BMAL1: variants seen among roughly 807,000 people sequenced by gnomAD.
BMAL1 encodes the protein basic helix-loop-helix ARNT-like protein 1.
At chr11:13,305,614 G>A in the BMAL1 span, among the ~76,000 whole-genome samples, 1 of 152,084 alleles carries the variant, frequency 6.6e-6, no homozygotes, top group African/African-American at 2.4e-5. Context: ...GCCTGATTGT[G>A]TGGCCAGGAC....
chr11:13,309,776 C>T, the BMAL1 span, among the ~76,000 whole-genome samples: 1,708 of 152,120 alleles, frequency 0.011, 12 homozygotes, highest in Non-Finnish European at 0.016. Flanking sequence ...ATAGGCATGC[C>T]GCCACAGTTC....
At chr11:13,384,270 ATGT>A in the BMAL1 span, among the ~76,000 whole-genome samples, 307 of 152,332 alleles carry the variant, frequency 2.0e-3, 1 homozygote, top group African/African-American at 6.8e-3. Flanking sequence ...AACTTAAAAA[ATGT>A]TGTTGATGAG....
the BMAL1 span, among the ~76,000 whole-genome samples, chr11:13,323,953 C>T: frequency 6.6e-6 from 1 of 152,180 alleles, no homozygotes; most frequent in Non-Finnish European, 1.5e-5. Context: ...AATAATTGTA[C>T]ATATTTATGG....
At chr11:13,289,919 A>G in the BMAL1 span, among the ~76,000 whole-genome samples, 1 of 152,212 alleles carries the variant, frequency 6.6e-6, no homozygotes, top group Non-Finnish European at 1.5e-5. Context: ...CACTGGGTCA[A>G]ATGATATTTC....
chr11:13,355,125 G>T, the BMAL1 span: 1 of 1,060,140 alleles, frequency 9.4e-7, no homozygotes, highest in South Asian at 1.5e-5. Context: ...CACCTGCGTG[G>T]AATCTTACCC....
the BMAL1 span, chr11:13,378,322 A>G: frequency 6.3e-7 from 1 of 1,589,800 alleles, no homozygotes; most frequent in Non-Finnish European, 8.5e-7. Flanking sequence ...CTACTCTCAG[A>G]TTCCTTTGTT....
chr11:13,348,085 AGGAGAGCCAG>A, the BMAL1 span, among the ~76,000 whole-genome samples: 2 of 152,202 alleles, frequency 1.3e-5, no homozygotes, highest in African/African-American at 4.8e-5. Context: ...GAGCTGCTGC[AGGAGAGCCAG>A]GGAGAGAGGA....
chr11:13,366,976 GA>G, the BMAL1 span, among the ~76,000 whole-genome samples: 1 of 152,070 alleles, frequency 6.6e-6, no homozygotes, highest in Non-Finnish European at 1.5e-5. Flanking sequence ...ATAAAAAGAA[GA>G]AAAAAATCTC....
the BMAL1 span, among the ~76,000 whole-genome samples, chr11:13,316,220 A>G: frequency 6.6e-6 from 1 of 152,184 alleles, no homozygotes; most frequent in Non-Finnish European, 1.5e-5. Context: ...TGGCAGAGCA[A>G]TACTTTGTAC....
the BMAL1 span, among the ~76,000 whole-genome samples, chr11:13,286,968 C>G: frequency 1.3e-5 from 2 of 152,036 alleles, no homozygotes; most frequent in African/African-American, 4.8e-5. Context: ...TTTTCAGTAC[C>G]CTGCTGGAAG....
At chr11:13,375,804 C>T in the BMAL1 span, 28 of 1,504,188 alleles carry the variant, frequency 1.9e-5, no homozygotes, top group Non-Finnish European at 2.5e-5. Context: ...TTGCTTCAAA[C>T]AGATGCCTAG....
chr11:13,347,014 C>T, the BMAL1 span, among the ~76,000 whole-genome samples: 4 of 152,186 alleles, frequency 2.6e-5, no homozygotes, highest in Non-Finnish European at 4.4e-5. Context: ...AGAACACCTT[C>T]TTGGTCAGAA....
At chr11:13,292,062 C>G in the BMAL1 span, among the ~76,000 whole-genome samples, 1 of 152,140 alleles carries the variant, frequency 6.6e-6, no homozygotes, top group Non-Finnish European at 1.5e-5. Flanking sequence ...AAGAAGAGCT[C>G]TGGTTGTGGT....
chr11:13,312,491 G>C, the BMAL1 span, among the ~76,000 whole-genome samples: 2 of 152,190 alleles, frequency 1.3e-5, no homozygotes, highest in African/African-American at 2.4e-5. Context: ...GTCTGGAAGA[G>C]ACTAAGGCCA....
the BMAL1 span, among the ~76,000 whole-genome samples, chr11:13,314,859 C>G: frequency 5.9e-5 from 9 of 152,174 alleles, no homozygotes; most frequent in African/African-American, 1.9e-4. Context: ...CCAGTGAATA[C>G]TGAGGAGTCT....
At chr11:13,332,132 G>A in the BMAL1 span, among the ~76,000 whole-genome samples, 1 of 152,214 alleles carries the variant, frequency 6.6e-6, no homozygotes, top group South Asian at 2.1e-4. Flanking sequence ...GAGAAGGTCA[G>A]AGGTGGGGAG....
chr11:13,298,042 T>C, the BMAL1 span, among the ~76,000 whole-genome samples: 15 of 152,212 alleles, frequency 9.9e-5, no homozygotes, highest in Non-Finnish European at 1.0e-4. Context: ...AATCTTAGCA[T>C]GGCCCTCAGA....
chr11:13,280,194 C>G, the BMAL1 span, among the ~76,000 whole-genome samples: 1 of 152,242 alleles, frequency 6.6e-6, no homozygotes, highest in African/African-American at 2.4e-5. Flanking sequence ...AGCAGATCAA[C>G]AGATGGTGTT....
At chr11:13,360,121 G>A in the BMAL1 span, among the ~76,000 whole-genome samples, 1 of 152,128 alleles carries the variant, frequency 6.6e-6, no homozygotes. Flanking sequence ...GGCTTGTTAG[G>A]TCTCCTGTGG....
Sources: gnomAD v4.1 joint callset for allele counts (sites outside exome capture counted in the v4.1 genomes callset) on GRCh38, gnomAD v4.1.1 for gene constraint, MANE v1.5 for transcripts, NCBI Gene and HGNC (gene_info 2026-07-23, HGNC 2026-07-21) for gene names.